Variants in FAHD2B observed in about 807,000 individuals in gnomAD.
The protein encoded by FAHD2B is oxaloacetate tautomerase FAHD2B, mitochondrial.
In FAHD2B, 26 loss-of-function variants were observed where a neutral mutation model predicts 33.7. That is an observed-to-expected ratio of 0.77 (90% confidence interval 0.57 to 1.07). The LOEUF (loss-of-function observed/expected upper bound fraction) is 1.07, where lower values mean the gene tolerates loss of function less well. FAHD2B is among the 50% of genes least tolerant of loss of function. The probability of loss-of-function intolerance (pLI) is 0.00; values close to 1 mark genes in which losing one functional copy is unlikely to be tolerated. For missense variants in FAHD2B, 272 were observed against 388.1 expected, an observed-to-expected ratio of 0.70 and a Z score of 2.51; for synonymous variants, 108 against 150.9, an observed-to-expected ratio of 0.72 and a Z score of 2.08.
chr2:97,085,424 G>A (rs375268890), intron 6 of FAHD2B, among the ~76,000 whole-genome samples: 2 of 151,344 alleles, frequency 1.3e-5, no homozygotes, highest in East Asian at 3.9e-4. Flanking sequence ...GCAGCCGCAG[G>A]AAGCCCGATC....
chr2:97,089,568 G>A (rs2032205219), intron 4 of FAHD2B, among the ~76,000 whole-genome samples: 1 of 147,630 alleles, frequency 6.8e-6, no homozygotes, highest in Non-Finnish European at 1.5e-5. Context: ...GACATGCAAA[G>A]TCTTTTCTAC....
At chr2:97,087,510 C>T (rs979630561) in intron 4 of FAHD2B, among the ~76,000 whole-genome samples, 2 of 151,990 alleles carry the variant, frequency 1.3e-5, no homozygotes, top group African/African-American at 2.4e-5. Flanking sequence ...CCAGCCTGGC[C>T]AACATGGTGA....
At position 97,083,962 on chromosome 2, in the gene FAHD2B, G is replaced by A; in HGVS notation, c.868C>T (p.Pro290Ser). The A allele has an allele frequency of 1.2e-6, 2 of 1,613,850 alleles. No homozygotes were observed. The highest frequency in any genetic ancestry group is 1.7e-6 in the Non-Finnish European group (2 of 1,179,968). Residue 290 changes from proline (P) to serine (S), a missense_variant, in exon 8 of 9, where the codon CCT becomes TCT. Transcript: ENST00000414820. Reference sequence around the variant, plus strand: ...CGCTAACCTACCTTGAGAAAGACAGGAGGTTTCCTGAATACACCGACACCT... The same window carrying A: ...CGCTAACCTACCTTGAGAAAGACAGAAGGTTTCCTGAATACACCGACACCT... ...PPGVGVFRKP[P>S]VFLKKGDEVQ... is the part of the protein sequence containing the mutation.
Position 97,090,219 on chromosome 2 carries a change from G to C in FAHD2B, c.352C>G (p.His118Asp). Residue 118 changes from histidine (H) to aspartate (D), a missense_variant, in exon 4 of 9, where the codon CAC becomes GAC. Physicochemically the swap from His to Asp is moderately conservative, Grantham distance 81. Coordinates refer to ENST00000414820, the MANE Select transcript of FAHD2B (RefSeq NM_001320848.2). ...VVCVGMNYVD[H>D]CKEQNVPVPK... ...ACGGGCACGTTCTGTTCTTTGCAGT[G>C]GTCCACATAATTCATGCCCACACAC... 1.2e-6 allele frequency: 2 copies of C among 1,607,010 alleles called. No homozygotes were observed. Among genetic ancestry groups the C allele is most frequent in the Non-Finnish European group, 1.7e-6 (2 of 1,176,774 alleles).
chr2:97,084,307 A>G, intron 6 of FAHD2B, 30 bp from the exon 7 acceptor site: 2 of 1,611,480 alleles, frequency 1.2e-6, no homozygotes, highest in Non-Finnish European at 1.7e-6. Flanking sequence ...CCTTGGAGTT[A>G]TCCCTTTTCC....
At position 97,089,773 on chromosome 2, in the gene FAHD2B, A is replaced by G. The variant is rs181229055; in HGVS notation, c.462+336T>C. ...TCTTAAGTAAAAGGTAAGTATATGT[A>G]CAGTATAAACATATACAGGAGTGGA... is the stretch of plus-strand genomic sequence containing the variant. On this transcript the variant is annotated intron_variant, in intron 4 of 8. Coordinates refer to ENST00000414820, the MANE Select transcript of FAHD2B (RefSeq NM_001320848.2). 2.2e-3 allele frequency: 803 copies of G among 368,308 alleles called. 11 individuals are homozygous for G. The highest frequency in any genetic ancestry group is 0.015 in the African/African-American group (742 of 48,466). 22.8% of individuals were successfully genotyped at this position (368,308 alleles called of 1,614,324 possible). A position where few individuals can be genotyped will look rare whatever the true frequency, so the allele number is the denominator to read the frequency against.
intron 5 of FAHD2B, 21 bp from the exon 6 acceptor site, chr2:97,085,882 G>A: frequency 6.2e-7 from 1 of 1,613,642 alleles, no homozygotes; most frequent in African/African-American, 1.3e-5. Flanking sequence ...AGGGGATTTG[G>A]CCATACAGGA....
chr2:97,091,685 T>G lies in FAHD2B; in HGVS notation c.22A>C (p.Arg8=). The change falls in exon 3 of 9, where the codon AGA becomes CGA. Residue 8 remains arginine, a synonymous_variant. Coordinates refer to ENST00000414820, the MANE Select transcript of FAHD2B (RefSeq NM_001320848.2). MLVSGRR[R]LLTALLQAQK... Reference sequence around the variant, plus strand: ...GCCTGCAGCAGAGCTGTGAGTAATCTTCTTCTACCAGACACCAGCATCAGA... The same window carrying G: ...GCCTGCAGCAGAGCTGTGAGTAATCGTCTTCTACCAGACACCAGCATCAGA... 1 of 1,612,238 alleles carries G rather than the reference T, an allele frequency of 6.2e-7. No homozygotes were observed. Among genetic ancestry groups the G allele is most frequent in the Non-Finnish European group, 8.5e-7 (1 of 1,178,818 alleles).
intron 4 of FAHD2B, among the ~76,000 whole-genome samples, chr2:97,088,850 G>A (rs568729837): frequency 3.9e-5 from 6 of 152,044 alleles, no homozygotes; most frequent in African/African-American, 1.2e-4. Flanking sequence ...TCCTTATAAA[G>A]TGTCTATTTC....
downstream of FAHD2B, chr2:97,082,288 C>A: frequency 6.3e-7 from 1 of 1,580,468 alleles, no homozygotes; most frequent in Non-Finnish European, 8.6e-7. Context: ...CTGCCGCCTT[C>A]CTCCGCCAGG....
Position 97,084,297 on chromosome 2 carries a change from C to T in FAHD2B, c.686-20G>A, listed in dbSNP as rs758226009. Reference sequence around the variant, plus strand: ...GTGGATCTGAAATGCAAAGATGGAACCTTGGAGTTATCCCTTTTCCCCCTC... The same window carrying T: ...GTGGATCTGAAATGCAAAGATGGAATCTTGGAGTTATCCCTTTTCCCCCTC... On this transcript the variant is annotated intron_variant, in intron 6 of 8. Coordinates refer to ENST00000414820, the MANE Select transcript of FAHD2B (RefSeq NM_001320848.2). The T allele has an allele frequency of 4.3e-6, 7 of 1,611,686 alleles. No individual in the cohort carries two copies. Among genetic ancestry groups the T allele is most frequent in the Non-Finnish European group, 5.9e-6 (7 of 1,179,478 alleles).
At chr2:97,088,006 T>G (rs887593375) in intron 4 of FAHD2B, among the ~76,000 whole-genome samples, 14 of 151,960 alleles carry the variant, frequency 9.2e-5, no homozygotes, top group Admixed American at 4.6e-4. Flanking sequence ...ACACTAATCA[T>G]GAAGAAACAA....
At chr2:97,088,416 C>T (rs191537376) in intron 4 of FAHD2B, among the ~76,000 whole-genome samples, 6 of 152,042 alleles carry the variant, frequency 3.9e-5, no homozygotes, top group African/African-American at 9.7e-5. Context: ...ATGGGTCTCA[C>T]GAGATCTGAT....
intron 1 of FAHD2B, among the ~76,000 whole-genome samples, 174 bp from the exon 2 acceptor site, chr2:97,092,162 G>A (rs1469738116): frequency 2.0e-5 from 3 of 152,162 alleles, no homozygotes; most frequent in Non-Finnish European, 4.4e-5. Context: ...GCTGAGCTGG[G>A]CTAAATGAGC....
At chr2:97,088,543 T>C (rs2032139307) in intron 4 of FAHD2B, among the ~76,000 whole-genome samples, 1 of 152,182 alleles carries the variant, frequency 6.6e-6, no homozygotes, top group Admixed American at 6.6e-5. Flanking sequence ...TCTAGCCACG[T>C]GGAACTGTAA....
At chr2:97,082,483 G>C (rs900807522), downstream of FAHD2B, 1 of 1,612,464 alleles carries the variant, frequency 6.2e-7, no homozygotes, top group African/African-American at 1.3e-5. Flanking sequence ...CAACCAGTCA[G>C]CCCAGGCTCC....
In FAHD2B at chr2:97,091,691, T is replaced by C. The variant is rs2153383793; in HGVS notation, c.16A>G (p.Arg6Gly). 3.7e-6 allele frequency: 6 copies of C among 1,612,212 alleles called. No individual in the cohort carries two copies. Among genetic ancestry groups the C allele is most frequent in the Non-Finnish European group, 5.1e-6 (6 of 1,178,804 alleles). Residue 6 changes from arginine to glycine, a missense_variant, in exon 3 of 9, where the codon AGA becomes GGA. Arg to Gly is a moderately radical substitution (Grantham distance 125). Transcript: ENST00000414820. ...AGCAGAGCTGTGAGTAATCTTCTTC[T>C]ACCAGACACCAGCATCAGAGCCTGC... Reference protein sequence around the residue: MLVSGRRRLLTALLQA... With the variant: MLVSGGRRLLTALLQA...
At chr2:97,088,688 A>G (rs2153383103) in intron 4 of FAHD2B, among the ~76,000 whole-genome samples, 1 of 152,208 alleles carries the variant, frequency 6.6e-6, no homozygotes, top group Non-Finnish European at 1.5e-5. Context: ...TACTAAAGAG[A>G]TATAACTGAA....
intron 8 of FAHD2B, 64 bp downstream of exon 8, chr2:97,083,884 C>G (rs2153381961): frequency 1.2e-6 from 2 of 1,614,052 alleles, no homozygotes; most frequent in African/African-American, 2.7e-5. Context: ...CTGTACTTCT[C>G]AAGTCTGAGC....
Sources: allele counts gnomAD v4.1 joint callset (sites outside exome capture counted in the v4.1 genomes callset), GRCh38; gene constraint gnomAD v4.1.1; transcripts MANE v1.5; gene names NCBI Gene and HGNC (gene_info 2026-07-23, HGNC 2026-07-21).